The following TLCD4 variants were observed in gnomAD, a reference collection of about 807,000 sequenced individuals.
TLCD4 encodes the protein TLC domain-containing protein 4.
TLCD4 carries 7 observed loss-of-function variants against 24.2 expected under a neutral mutation model. The observed-to-expected ratio is 0.29, with a 90% confidence interval of 0.16 to 0.54. The LOEUF is 0.54. TLCD4 is among the 20% of genes least tolerant of loss of function. TLCD4 has a pLI of 0.95. For synonymous variants in TLCD4, 103 were observed against 106.4 expected (o/e 0.97, Z 0.20); for missense variants, 259 against 313.9 (o/e 0.82, Z 1.32).
At chr1:95,104,594 G>A in the TLCD4 span, among the ~76,000 whole-genome samples, 8 of 145,984 alleles carry the variant, frequency 5.5e-5, no homozygotes, top group African/African-American at 2.0e-4. Context: ...GAACTCCGGG[G>A]GGCGGAGCCT....
At chr1:95,111,943 G>A in the TLCD4 span, among the ~76,000 whole-genome samples, 2 of 152,204 alleles carry the variant, frequency 1.3e-5, no homozygotes, top group African/African-American at 4.8e-5. Flanking sequence ...GAATGGGAAA[G>A]AGCCCTTGGA....
chr1:95,138,611 T>TTACTGTACTGAATACAGTACAG (rs372135049), intron 1 of TLCD4: 32 of 152,248 alleles, frequency 2.1e-4, no homozygotes, highest in East Asian at 1.2e-3. Context: ...TGTACAGCAT[T>TTACTGTACTGAATACAGTACAG]TACTGTACTG....
upstream of TLCD4, among the ~76,000 whole-genome samples, chr1:95,115,723 G>A (rs1372490185): frequency 6.6e-6 from 1 of 152,132 alleles, no homozygotes; most frequent in African/African-American, 2.4e-5. Context: ...TACTGCTGTT[G>A]GTGTTAGAGA....
chr1:95,163,122 ATCACTTTCAGGTATACCAG>A (rs1677883062), intron 5 of TLCD4: 1 of 152,196 alleles, frequency 6.6e-6, no homozygotes, highest in Non-Finnish European at 1.5e-5. Context: ...CATTCTCCCC[ATCACTTTCAGGTATACCAG>A]TCAAACGTAG....
intron 4 of TLCD4, 67 bp downstream of exon 4, chr1:95,150,333 A>G: frequency 5.1e-6 from 8 of 1,577,586 alleles, no homozygotes; most frequent in Middle Eastern, 2.3e-4. Flanking sequence ...CAAAGAATAT[A>G]TAGTCTATGC....
At chr1:95,151,536 A>C in intron 5 of TLCD4, 117 bp downstream of exon 5, 1 of 1,177,786 alleles carries the variant, frequency 8.5e-7, no homozygotes, top group Non-Finnish European at 1.2e-6. Flanking sequence ...CTCCAGATGC[A>C]TTCAGGGATT....
the TLCD4 span, among the ~76,000 whole-genome samples, chr1:95,094,735 A>T: frequency 6.6e-6 from 1 of 152,180 alleles, no homozygotes; most frequent in Non-Finnish European, 1.5e-5. Flanking sequence ...AATCCAGCCC[A>T]AATACTGACC....
chr1:95,168,554 CTTTTTTT>C lies in TLCD4; in HGVS notation c.400-5239_400-5233del, dbSNP rs34574043. On this transcript the variant is annotated intron_variant, in intron 5 of 6. Transcript: ENST00000370203. ...TCTTTTGGAATGAAATGTGAGTGAG[CTTTTTTT>C]TTTTTTTTTTTTTTTTTTTTTTAAG... Among the ~76,000 whole-genome samples, 11 of 51,148 alleles carry C rather than the reference CTTTTTTT, an allele frequency of 2.2e-4. No homozygotes were observed. In the East Asian group the frequency reaches 2.5e-3, roughly 12 times the overall value. The allele number at this position is 51,148 out of a possible 152,430, so 33.6% of individuals were successfully genotyped here.
the TLCD4 span, among the ~76,000 whole-genome samples, chr1:95,105,320 A>T: frequency 3.9e-5 from 6 of 152,218 alleles, no homozygotes; most frequent in African/African-American, 1.4e-4. Context: ...TTGAAAATAA[A>T]TTCCCTGAAA....
At chr1:95,181,034 T>C (rs1678618997) in intron 6 of TLCD4, among the ~76,000 whole-genome samples, 1 of 152,134 alleles carries the variant, frequency 6.6e-6, no homozygotes, top group Non-Finnish European at 1.5e-5. Flanking sequence ...TTGGTGGAGG[T>C]TGCAGTGAGC....
chr1:95,157,779 C>T (rs1677674253), intron 5 of TLCD4, among the ~76,000 whole-genome samples: 3 of 152,266 alleles, frequency 2.0e-5, no homozygotes, highest in Non-Finnish European at 2.9e-5. Flanking sequence ...TTCCAAGAGA[C>T]CCAGGAGGAA....
upstream of TLCD4, among the ~76,000 whole-genome samples, chr1:95,113,232 G>A (rs992249678): frequency 6.6e-6 from 1 of 151,940 alleles, no homozygotes; most frequent in South Asian, 2.1e-4. Context: ...TAGTAGATAC[G>A]GGGTTTCGCC....
chr1:95,185,603 G>A (rs1678803912), intron 6 of TLCD4, among the ~76,000 whole-genome samples: 1 of 152,142 alleles, frequency 6.6e-6, no homozygotes, highest in Admixed American at 6.5e-5. Context: ...GCTAGTTAAC[G>A]TGAAGACGAC....
At chr1:95,166,136 C>T (rs1019095779) in intron 5 of TLCD4, among the ~76,000 whole-genome samples, 4 of 151,982 alleles carry the variant, frequency 2.6e-5, no homozygotes, top group African/African-American at 9.7e-5. Flanking sequence ...AATAGCAGTC[C>T]CAGGTTGCAG....
Position 95,139,454 on chromosome 1 carries a change from G to GT in TLCD4, c.-11-4437_-11-4436insT, listed in dbSNP as rs1557681913. ...TATAAACTTTTTTATTTAAACCTTT[G>GT]ATTTTTTTTTTTTTTTTTTTTTTGA... On this transcript the variant is annotated intron_variant, in intron 1 of 6. Transcript: ENST00000370203. Among the ~76,000 whole-genome samples the GT allele has an allele frequency of 2.2e-3, 126 of 57,456 alleles. 1 individual carries two copies. Among genetic ancestry groups the GT allele is most frequent in the Admixed American group, 3.6e-3 (13 of 3,572 alleles). 37.7% of individuals were successfully genotyped at this position (57,456 alleles called of 152,430 possible).
chr1:95,093,448 A>G, the TLCD4 span, among the ~76,000 whole-genome samples: 4 of 152,174 alleles, frequency 2.6e-5, no homozygotes, highest in Non-Finnish European at 5.9e-5. Flanking sequence ...GGGTCATCGG[A>G]CTGTAAGCAG....
the TLCD4 span, among the ~76,000 whole-genome samples, chr1:95,110,371 T>C: frequency 2.0e-5 from 3 of 152,008 alleles, no homozygotes; most frequent in Admixed American, 2.0e-4. Context: ...ATTTTAAAAT[T>C]AATTTTTAGT....
chr1:95,160,526 A>G (rs920719651), intron 5 of TLCD4, among the ~76,000 whole-genome samples: 5 of 152,210 alleles, frequency 3.3e-5, no homozygotes, highest in Admixed American at 2.6e-4. Context: ...TGCCCTGGCC[A>G]GAACTTCCAA....
chr1:95,122,781 C>A (rs1338505622), intron 1 of TLCD4, among the ~76,000 whole-genome samples: 1 of 152,072 alleles, frequency 6.6e-6, no homozygotes, highest in East Asian at 1.9e-4. Flanking sequence ...ATTTTGGGGA[C>A]CTGGAGAAAC....
Sources: allele counts gnomAD v4.1 joint callset (sites outside exome capture counted in the v4.1 genomes callset), GRCh38; gene constraint gnomAD v4.1.1; transcripts MANE v1.5; gene names NCBI Gene and HGNC (gene_info 2026-07-23, HGNC 2026-07-21).